The following LCTL variants were observed in gnomAD, a reference collection of about 807,000 sequenced individuals.
The protein encoded by LCTL is lactase like.
LCTL carries 76 observed loss-of-function variants against 75.8 expected under a neutral mutation model. That is an observed-to-expected ratio of 1.00 (90% CI 0.83 to 1.21). The LOEUF is 1.21. LCTL is among the 50% of genes most tolerant of loss of function. LCTL has a pLI of 0.00. For synonymous variants in LCTL, 271 were observed against 268.8 expected (o/e 1.01, Z -0.08); for missense variants, 670 against 712.4 (o/e 0.94, Z 0.68).
intron 11 of LCTL, 118 bp from the exon 13 acceptor site, chr15:66,550,222 T>A (rs1318584596): frequency 1.6e-6 from 1 of 627,526 alleles, no homozygotes; most frequent in Non-Finnish European, 2.8e-6. Context: ...ATCTGTAGTT[T>A]ATGTTTTTAA....
chr15:66,560,913 G>T, intron 6 of LCTL, 93 bp downstream of exon 7: 1 of 1,068,064 alleles, frequency 9.4e-7, no homozygotes, highest in Non-Finnish European at 1.4e-6. Flanking sequence ...TGACTCGGAG[G>T]TGGAGCGGCA....
At chr15:66,565,356 C>T (rs1201827745) in exon 1 of LCTL, 1 of 1,608,914 alleles carries the variant, frequency 6.2e-7, no homozygotes, top group Non-Finnish European at 8.5e-7. Flanking sequence ...GCGACCCACA[C>T]TGGCTTCATG....
intron 1 of LCTL, 135 bp from the exon 3 acceptor site, chr15:66,564,974 T>C (rs1895987823): frequency 6.1e-6 from 5 of 815,084 alleles, no homozygotes; most frequent in Non-Finnish European, 9.6e-6. Context: ...GGGACTTGTC[T>C]TCCTAGGAGT....
intron 6 of LCTL, among the ~76,000 whole-genome samples, chr15:66,560,765 A>G (rs1031584593): frequency 6.6e-6 from 1 of 152,134 alleles, no homozygotes; most frequent in Non-Finnish European, 1.5e-5. Context: ...ACGCATTTCC[A>G]CATGGATGTC....
At chr15:66,551,726 G>A in exon 11 of LCTL, 1 of 1,613,920 alleles carries the variant, frequency 6.2e-7, no homozygotes, top group East Asian at 2.2e-5. Context: ...TGAAGCCTTT[G>A]GATAGCGAGG....
At chr15:66,561,189 G>C in exon 5 of LCTL, 1 of 1,614,174 alleles carries the variant, frequency 6.2e-7, no homozygotes, top group Non-Finnish European at 8.5e-7. Flanking sequence ...CTGCTTACCC[G>C]AGGATCACTG....
chr15:66,560,687 G>C (rs775394737), intron 6 of LCTL, among the ~76,000 whole-genome samples: 1 of 152,238 alleles, frequency 6.6e-6, no homozygotes, highest in Non-Finnish European at 1.5e-5. Context: ...CTGATTCATT[G>C]AAGATTTTAA....
intron 9 of LCTL, 110 bp from the exon 11 acceptor site, chr15:66,552,279 A>G: frequency 1.2e-6 from 1 of 858,974 alleles, no homozygotes; most frequent in South Asian, 1.8e-5. Context: ...CATTCTAATC[A>G]AGTGTATTTT....
exon 9 of LCTL, chr15:66,553,171 T>C (rs200015139): frequency 6.2e-7 from 1 of 1,610,980 alleles, no homozygotes; most frequent in East Asian, 2.2e-5. Context: ...TCCCAAGAAA[T>C]CGGATGTGCC....
At chr15:66,562,418 C>G (rs868478346) in intron 4 of LCTL, among the ~76,000 whole-genome samples, 10 of 143,412 alleles carry the variant, frequency 7.0e-5, no homozygotes, top group East Asian at 2.1e-4. Flanking sequence ...AAAAAAAAAA[C>G]AAAAGAAAGA....
intron 6 of LCTL, among the ~76,000 whole-genome samples, chr15:66,560,549 T>C (rs1167535812): frequency 6.6e-6 from 1 of 152,162 alleles, no homozygotes; most frequent in East Asian, 1.9e-4. Context: ...GTCTGCCTGC[T>C]CATTATCGCT....
intron 8 of LCTL, among the ~76,000 whole-genome samples, chr15:66,553,632 G>C (rs895467441): frequency 2.0e-5 from 3 of 151,626 alleles, no homozygotes; most frequent in Non-Finnish European, 4.4e-5. Context: ...GCAGCCGCCT[G>C]TAGTCCCAGC....
rs554262804 is a variant in LCTL, at chr15:66,557,806, C to T, written c.838G>A (p.Glu280Lys). Residue 280 changes from glutamate (E) to lysine (K), a missense_variant, in exon 8 of 13, where the codon GAG becomes AAG. Glu to Lys is a moderately conservative substitution (Grantham distance 56). Coordinates refer to ENST00000341509, the Ensembl canonical transcript of LCTL. ...CCCAGACAGAACTGTAGGTATCTCT[C>T]GGCAGCCTCTAGGTCCTTGGGGTTA... 87 of 1,614,112 alleles carry T rather than the reference C, an allele frequency of 5.4e-5. No homozygotes were observed. Among genetic ancestry groups the T allele is most frequent in the Non-Finnish European group, 6.9e-5 (81 of 1,180,014 alleles).
rs1896000224 is a variant in LCTL, at chr15:66,565,314, T to TG, written c.51dup (p.Arg18GlnfsTer47). Reference sequence around the variant, plus strand: ...GACCCCTTCCGGGCGGCCCCCAGCCTGGGCACCAGCAGTAGCATCCACAGA... The same window carrying TG: ...GACCCCTTCCGGGCGGCCCCCAGCCTGGGGCACCAGCAGTAGCATCCACAGA... On this transcript the variant is annotated frameshift_variant, in exon 1 of 13. Transcript: ENST00000341509. LOFTEE classifies it high-confidence loss of function. 1 of 1,613,742 alleles carries TG rather than the reference T, an allele frequency of 6.2e-7. No homozygotes were observed. The highest frequency in any genetic ancestry group is 1.1e-5 in the South Asian group (1 of 91,062).
chr15:66,552,270 A>G lies in LCTL; in HGVS notation c.1198-101T>C, dbSNP rs1450157500. 2.9e-5 allele frequency: 26 copies of G among 907,858 alleles called. No homozygotes were observed. The Admixed American group carries it at 4.6e-4, about 16-fold the overall frequency. The allele number at this position is 907,858 out of a possible 1,614,324, so 56.2% of individuals were successfully genotyped here. On this transcript the variant is annotated intron_variant, in intron 9 of 12. Coordinates refer to ENST00000341509, the Ensembl canonical transcript of LCTL. The stretch of plus-strand genomic sequence containing the variant: ...AGGAACACATATTCAAGCCTGCCAC[A>G]TTCTAATCAAGTGTATTTTGGCATT...
At chr15:66,561,621 CAG>C (rs1895891856) in intron 4 of LCTL, among the ~76,000 whole-genome samples, 1 of 152,196 alleles carries the variant, frequency 6.6e-6, no homozygotes, top group African/African-American at 2.4e-5. Context: ...AGCCTTGGGA[CAG>C]AGTCTGCCTT....
chr15:66,562,845 A>G (rs1158886124), intron 4 of LCTL, among the ~76,000 whole-genome samples: 2 of 152,146 alleles, frequency 1.3e-5, no homozygotes, highest in Non-Finnish European at 2.9e-5. Context: ...CGGCCCCCCA[A>G]AGTGCTAGGA....
chr15:66,554,351 C>T (rs1237123168), intron 8 of LCTL, among the ~76,000 whole-genome samples: 1 of 149,356 alleles, frequency 6.7e-6, no homozygotes, highest in African/African-American at 2.5e-5. Context: ...CCCAGCTACT[C>T]GGGAAGCTGA....
At chr15:66,552,232 C>A in intron 9 of LCTL, 63 bp from the exon 11 acceptor site, 2 of 1,431,284 alleles carry the variant, frequency 1.4e-6, no homozygotes, top group Non-Finnish European at 1.9e-6. Context: ...GTTTCTGAGT[C>A]AGAGGCTCAT....
Sources: gnomAD v4.1 joint callset for allele counts (sites outside exome capture counted in the v4.1 genomes callset) on GRCh38, gnomAD v4.1.1 for gene constraint, MANE v1.5 for transcripts, NCBI Gene and HGNC (gene_info 2026-07-23, HGNC 2026-07-21) for gene names.